The following HERC3 variants were observed in gnomAD, a reference collection of about 807,000 sequenced individuals.
HERC3 encodes the protein HECT and RLD domain containing E3 ubiquitin protein ligase 3.
In HERC3, 58 loss-of-function variants were observed where a neutral mutation model predicts 129.9. The observed-to-expected ratio is 0.45, with a 90% CI of 0.36 to 0.56. HERC3 has a LOEUF of 0.56. HERC3 is among the 20% of genes least tolerant of loss of function. The probability of loss-of-function intolerance (pLI) is 0.00; values close to 1 mark genes in which losing one functional copy is unlikely to be tolerated. For missense variants in HERC3, 835 were observed against 1,244.2 expected (o/e 0.67, Z 4.95); for synonymous variants, 430 against 451.0 (o/e 0.95, Z 0.59).
chr4:88,653,905 A>G (rs1476590406), intron 6 of HERC3, 137 bp from the exon 7 acceptor site: 1 of 622,918 alleles, frequency 1.6e-6, no homozygotes, highest in South Asian at 2.0e-5. Flanking sequence ...AGTCTGTTGG[A>G]TATCCAAGTA....
the HERC3 span, among the ~76,000 whole-genome samples, chr4:88,533,396 A>G: frequency 6.6e-6 from 1 of 152,174 alleles, no homozygotes; most frequent in Non-Finnish European, 1.5e-5. Flanking sequence ...GTATCCTTCA[A>G]TCCAATCAAG....
chr4:88,582,198 T>C, the HERC3 span, among the ~76,000 whole-genome samples: 2 of 152,166 alleles, frequency 1.3e-5, no homozygotes, highest in Non-Finnish European at 2.9e-5. Flanking sequence ...AGTTTTCATT[T>C]TGTTTTACAG....
rs138247876 is a variant in HERC3, at chr4:88,645,278, A to G, written c.227-4562A>G. Among the ~76,000 whole-genome samples, 331 of 152,250 alleles carry G rather than the reference A, an allele frequency of 2.2e-3. 1 individual carries two copies. The highest frequency in any genetic ancestry group is 7.8e-3 in the African/African-American group (322 of 41,544). On this transcript the variant is annotated intron_variant, in intron 3 of 25. Transcript: ENST00000402738. Reference sequence around the variant, plus strand: ...AATGTGAGGACTTAGAATGTGCAGAATGGTAGGGTGAAGAACTGGGTTTCC... The same window carrying G: ...AATGTGAGGACTTAGAATGTGCAGAGTGGTAGGGTGAAGAACTGGGTTTCC...
intron 2 of HERC3, among the ~76,000 whole-genome samples, chr4:88,601,314 G>A (rs988181198): frequency 6.6e-6 from 1 of 152,170 alleles, no homozygotes; most frequent in African/African-American, 2.4e-5. Context: ...ACCAATTAAG[G>A]CCATTGAGTT....
At chr4:88,584,459 T>G in the HERC3 span, among the ~76,000 whole-genome samples, 3 of 152,352 alleles carry the variant, frequency 2.0e-5, no homozygotes, top group South Asian at 6.2e-4. Context: ...CTGACAGTTA[T>G]GTACCTACTG....
the HERC3 span, among the ~76,000 whole-genome samples, chr4:88,581,212 G>C: frequency 6.6e-6 from 1 of 152,090 alleles, no homozygotes; most frequent in African/African-American, 2.4e-5. Flanking sequence ...TCTAGAGCCA[G>C]CTTGTAAAGA....
At chr4:88,607,934 G>T (rs1019723131) in intron 3 of HERC3, among the ~76,000 whole-genome samples, 2 of 152,132 alleles carry the variant, frequency 1.3e-5, no homozygotes, top group African/African-American at 4.8e-5. Context: ...TAGCATAGGT[G>T]TTTGCCCCTT....
intron 10 of HERC3, among the ~76,000 whole-genome samples, chr4:88,661,148 A>C (rs1467884647): frequency 1.3e-5 from 2 of 152,128 alleles, no homozygotes; most frequent in African/African-American, 4.8e-5. Context: ...TGCCCCTTTG[A>C]ATGGGGGAAA....
chr4:88,695,627 AGAG>A (rs377099082), intron 23 of HERC3, among the ~76,000 whole-genome samples: 17 of 152,302 alleles, frequency 1.1e-4, no homozygotes, highest in African/African-American at 3.6e-4. Flanking sequence ...TTGTAACAGG[AGAG>A]GAGGATTGAA....
chr4:88,585,490 T>G, the HERC3 span, among the ~76,000 whole-genome samples: 1 of 151,742 alleles, frequency 6.6e-6, no homozygotes, highest in Non-Finnish European at 1.5e-5. Flanking sequence ...ATCATTCTAT[T>G]GATGATGAGA....
the HERC3 span, among the ~76,000 whole-genome samples, chr4:88,578,042 G>A: frequency 6.6e-6 from 1 of 152,052 alleles, no homozygotes; most frequent in Non-Finnish European, 1.5e-5. Flanking sequence ...TTGTCTTTAG[G>A]TGTTTCCACA....
chr4:88,546,203 A>G, the HERC3 span, among the ~76,000 whole-genome samples: 1 of 152,194 alleles, frequency 6.6e-6, no homozygotes, highest in East Asian at 1.9e-4. Context: ...TGGGGTCTCT[A>G]TTCCATGTTG....
chr4:88,590,203 T>G (rs1168850726), upstream of HERC3, among the ~76,000 whole-genome samples: 1 of 150,042 alleles, frequency 6.7e-6, no homozygotes, highest in Admixed American at 6.6e-5. Flanking sequence ...GGGAGGTGGA[T>G]GTTGCAGTGA....
chr4:88,550,774 G>GA, the HERC3 span, among the ~76,000 whole-genome samples: 7 of 149,702 alleles, frequency 4.7e-5, no homozygotes, highest in Non-Finnish European at 9.0e-5. Context: ...CACAGAATTG[G>GA]AAAAAACTAC....
chr4:88,591,986 G>A (rs948299084), upstream of HERC3, among the ~76,000 whole-genome samples: 3 of 151,994 alleles, frequency 2.0e-5, no homozygotes, highest in Non-Finnish European at 1.5e-5. Context: ...GCAGCGCCGC[G>A]GGCCGGCGCC....
chr4:88,625,122 G>A lies in HERC3; in HGVS notation c.226+19073G>A, dbSNP rs574065499. ...TAGTAAATCTTGGAAGTATGTAGTTGCAGATAGTATAAATTCTACACCTTT... is the reference window on the plus strand; with the variant it reads ...TAGTAAATCTTGGAAGTATGTAGTTACAGATAGTATAAATTCTACACCTTT... On this transcript the variant is annotated intron_variant, in intron 3 of 25. Coordinates refer to ENST00000402738, the MANE Select transcript of HERC3 (RefSeq NM_014606.3). 3.9e-5 allele frequency among the ~76,000 whole-genome samples: 6 copies of A among 152,236 alleles called. No individual in the cohort carries two copies. In the South Asian group the frequency reaches 1.2e-3, roughly 32 times the overall value.
In HERC3 at chr4:88,684,476, T is replaced by G. The variant is rs540833345; in HGVS notation, c.2508-2260T>G. Among the ~76,000 whole-genome samples, 3 of 152,228 alleles carry G rather than the reference T, an allele frequency of 2.0e-5. No homozygotes were observed. The South Asian group carries it at 6.2e-4, about 32-fold the overall frequency. On this transcript the variant is annotated intron_variant, in intron 21 of 25. Transcript: ENST00000402738. Reference sequence around the variant, plus strand: ...TATACAAAAATTAACTCAAGATGGATTAAAGACTTAAATGTAAAAACCCAA... The same window carrying G: ...TATACAAAAATTAACTCAAGATGGAGTAAAGACTTAAATGTAAAAACCCAA...
rs114817711 is a variant in HERC3 at position 88,649,296 on chromosome 4, C to T, written c.227-544C>T. On this transcript the variant is annotated intron_variant, in intron 3 of 25. Coordinates refer to ENST00000402738, the MANE Select transcript of HERC3 (RefSeq NM_014606.3). ...TGCACAAATGTCACTATCTGTGGGTCTTGTCTTTTGGGCCAGTTTTCCCAG... is the reference window on the plus strand; with the variant it reads ...TGCACAAATGTCACTATCTGTGGGTTTTGTCTTTTGGGCCAGTTTTCCCAG... Among the ~76,000 whole-genome samples, 575 of 152,168 alleles carry T rather than the reference C, an allele frequency of 3.8e-3. 5 individuals carry two copies. Among genetic ancestry groups the T allele is most frequent in the African/African-American group, 0.014 (564 of 41,504 alleles).
chr4:88,649,632 T>C (rs955853611), intron 3 of HERC3, among the ~76,000 whole-genome samples: 2 of 152,118 alleles, frequency 1.3e-5, no homozygotes, highest in African/African-American at 4.8e-5. Context: ...GTATATACTA[T>C]AGTATATCTG....
Sources: gnomAD v4.1 joint callset for allele counts (sites outside exome capture counted in the v4.1 genomes callset) on GRCh38, gnomAD v4.1.1 for gene constraint, MANE v1.5 for transcripts, NCBI Gene and HGNC (gene_info 2026-07-23, HGNC 2026-07-21) for gene names.